Variants in LIN7A observed in about 807,000 individuals in gnomAD.
The protein encoded by LIN7A is lin-7 cell polarity scaffold A.
Under a neutral mutation model 29.8 loss-of-function variants are expected in LIN7A, and 25 were observed. The ratio of observed to expected loss-of-function variants is 0.84; its 90% CI spans 0.61 to 1.17. LIN7A has a LOEUF of 1.17. Ranked by LOEUF, LIN7A falls within the 50% of genes most tolerant of loss-of-function variation. LIN7A has a pLI of 0.00. For missense variants in LIN7A, 239 were observed against 287.0 expected (o/e 0.83, Z 1.21); for synonymous variants, 118 against 107.5 (o/e 1.10, Z -0.60).
chr12:80,925,354 G>A (rs1344489155), intron 1 of LIN7A, among the ~76,000 whole-genome samples: 2 of 152,208 alleles, frequency 1.3e-5, no homozygotes, highest in Admixed American at 6.5e-5. Context: ...GTATCTCCAA[G>A]TGCTTCCTGC....
At chr12:80,813,694 G>T (rs1291392490) in intron 4 of LIN7A, among the ~76,000 whole-genome samples, 1 of 152,088 alleles carries the variant, frequency 6.6e-6, no homozygotes, top group Non-Finnish European at 1.5e-5. Flanking sequence ...AGATTCTCCA[G>T]GTTAGGATGA....
intron 5 of LIN7A, among the ~76,000 whole-genome samples, chr12:80,800,255 C>T (rs139922994): frequency 0.066 from 10,078 of 151,930 alleles, 1,056 homozygotes; most frequent in African/African-American, 0.22. Flanking sequence ...TTTGGGAGGC[C>T]GAGGCTGGCG....
chr12:80,875,293 T>A (rs1874628729), intron 2 of LIN7A, among the ~76,000 whole-genome samples: 1 of 152,148 alleles, frequency 6.6e-6, no homozygotes, highest in African/African-American at 2.4e-5. Flanking sequence ...ACATGTACAT[T>A]TTTTCTGGAA....
chr12:80,864,865 A>G (rs1874060024), intron 2 of LIN7A, among the ~76,000 whole-genome samples: 1 of 152,198 alleles, frequency 6.6e-6, no homozygotes. Context: ...TTGTACTTCC[A>G]TCACCTTCAA....
Position 80,906,895 on chromosome 12 carries a change from T to C in LIN7A, c.83-17526A>G, listed in dbSNP as rs549632424. 2.5e-3 allele frequency among the ~76,000 whole-genome samples: 374 copies of C among 152,244 alleles called. 3 individuals are homozygous for C. Among genetic ancestry groups the C allele is most frequent in the Middle Eastern group, 0.01 (3 of 294 alleles). Reference sequence around the variant, plus strand: ...CTAGAAAGGTGGGGAAGCTAAGTTTTCAGGACAGATAATTAGGAGGGTGTC... The same window carrying C: ...CTAGAAAGGTGGGGAAGCTAAGTTTCCAGGACAGATAATTAGGAGGGTGTC... On this transcript the variant is annotated intron_variant, in intron 1 of 5. Coordinates refer to ENST00000552864, the MANE Select transcript of LIN7A (RefSeq NM_004664.4).
At chr12:80,872,136 A>G (rs1467215243) in intron 2 of LIN7A, among the ~76,000 whole-genome samples, 2 of 152,108 alleles carry the variant, frequency 1.3e-5, no homozygotes, top group Non-Finnish European at 2.9e-5. Context: ...TGGAACAATA[A>G]TCATTTCCAT....
At chr12:80,812,827 A>G (rs1871356434) in intron 4 of LIN7A, among the ~76,000 whole-genome samples, 2 of 152,214 alleles carry the variant, frequency 1.3e-5, no homozygotes. Context: ...CTGGGAGTAC[A>G]GGCATGAGCC....
intron 1 of LIN7A, among the ~76,000 whole-genome samples, chr12:80,916,912 A>G (rs989451632): frequency 2.0e-5 from 3 of 152,176 alleles, no homozygotes; most frequent in Admixed American, 2.0e-4. Flanking sequence ...AAAACCTACA[A>G]TGTACCAGGC....
intron 5 of LIN7A, among the ~76,000 whole-genome samples, chr12:80,800,379 C>T (rs545781506): frequency 2.5e-4 from 38 of 151,230 alleles, no homozygotes. Context: ...ATCCCAACTA[C>T]TCGGAAGGCT....
chr12:80,918,327 C>T (rs1021112786), intron 1 of LIN7A, among the ~76,000 whole-genome samples: 4 of 152,084 alleles, frequency 2.6e-5, no homozygotes, highest in South Asian at 2.1e-4. Context: ...GGATTACAGG[C>T]ATGAGCCACC....
At chr12:80,803,966 A>C (rs1315373158) in intron 5 of LIN7A, among the ~76,000 whole-genome samples, 8 of 152,324 alleles carry the variant, frequency 5.3e-5, no homozygotes, top group Non-Finnish European at 5.9e-5. Flanking sequence ...TTTAAAGCCC[A>C]TGTTCCTGTG....
intron 1 of LIN7A, among the ~76,000 whole-genome samples, chr12:80,894,889 A>C (rs1336396931): frequency 6.6e-6 from 1 of 152,328 alleles, no homozygotes; most frequent in Admixed American, 6.5e-5. Context: ...AAAAATAAAA[A>C]CAACTAAGGC....
intron 4 of LIN7A, among the ~76,000 whole-genome samples, chr12:80,825,521 G>A (rs1565891426): frequency 6.6e-6 from 1 of 152,200 alleles, no homozygotes; most frequent in African/African-American, 2.4e-5. Flanking sequence ...CGTTTTCCCT[G>A]ACTTTTATGA....
chr12:80,846,971 T>G (rs1409536043), intron 3 of LIN7A, among the ~76,000 whole-genome samples: 2 of 152,230 alleles, frequency 1.3e-5, no homozygotes, highest in Non-Finnish European at 2.9e-5. Context: ...TCCCAACGAC[T>G]GTACCTTCTT....
At position 80,807,063 on chromosome 12, in the gene LIN7A, G is replaced by GTTTTTTTTTGTTTTTTTTTTTTTTTTTTT. The variant is rs374349839; in HGVS notation, c.*4401_*4402insAAAAAAAAAAAAAAAAAAACAAAAAAAAA. On this transcript the variant is annotated intron_variant, in intron 5 of 5. Transcript: ENST00000552864. The stretch of plus-strand genomic sequence containing the variant: ...CCATAGGAAATTTAATGAAGATGGA[G>GTTTTTTTTTGTTTTTTTTTTTTTTTTTTT]TTTTTTTTTTTTTTTTTTTTTTTTT... Among the ~76,000 whole-genome samples, 38 of 53,582 alleles carry GTTTTTTTTTGTTTTTTTTTTTTTTTTTTT rather than the reference G, an allele frequency of 7.1e-4. 6 individuals carry two copies. Among genetic ancestry groups the GTTTTTTTTTGTTTTTTTTTTTTTTTTTTT allele is most frequent in the East Asian group, 5.3e-3 (10 of 1,884 alleles). The allele number at this position is 53,582 out of a possible 152,430, so 35.2% of individuals were successfully genotyped here.
chr12:80,829,519 T>A (rs1239833882), intron 4 of LIN7A, among the ~76,000 whole-genome samples: 1 of 152,162 alleles, frequency 6.6e-6, no homozygotes, highest in Non-Finnish European at 1.5e-5. Context: ...AGGAATAATG[T>A]TCAATGGAAA....
chr12:80,909,676 G>T (rs1046750383), intron 1 of LIN7A, among the ~76,000 whole-genome samples: 1 of 151,866 alleles, frequency 6.6e-6, no homozygotes, highest in Non-Finnish European at 1.5e-5. Context: ...TAACTTAATC[G>T]CATCCCCAAA....
At chr12:80,816,361 T>A (rs532044172) in intron 4 of LIN7A, among the ~76,000 whole-genome samples, 1 of 151,904 alleles carries the variant, frequency 6.6e-6, no homozygotes, top group South Asian at 2.1e-4. Flanking sequence ...TGGGGAGCCA[T>A]GTTTGTGTCA....
At chr12:80,831,439 G>T (rs1872344493) in intron 4 of LIN7A, among the ~76,000 whole-genome samples, 1 of 152,230 alleles carries the variant, frequency 6.6e-6, no homozygotes, top group East Asian at 1.9e-4. Context: ...TGCATCAGGG[G>T]AATTTTAATG....
Sources: allele counts gnomAD v4.1 joint callset (sites outside exome capture counted in the v4.1 genomes callset), GRCh38; gene constraint gnomAD v4.1.1; transcripts MANE v1.5; gene names NCBI Gene and HGNC (gene_info 2026-07-23, HGNC 2026-07-21).